EVI5: variants seen among roughly 807,000 people sequenced by gnomAD.
EVI5 encodes ecotropic viral integration site 5.
A neutral mutation model predicts 112.0 loss-of-function variants in EVI5; 73 were observed. That is an observed-to-expected ratio of 0.65 (90% CI 0.54 to 0.79). The LOEUF (loss-of-function observed/expected upper bound fraction) is 0.79. Among genes scored for constraint, EVI5 ranks in the 30% least tolerant of loss-of-function variants. EVI5 has a pLI of 0.00. For synonymous variants in EVI5, 305 were observed against 319.9 expected (o/e 0.95, Z 0.50); for missense variants, 900 against 968.8 (o/e 0.93, Z 0.94).
chr1:92,526,266 C>T (rs1409913789), intron 19 of EVI5, among the ~76,000 whole-genome samples: 1 of 152,132 alleles, frequency 6.6e-6, no homozygotes, highest in African/African-American at 2.4e-5. Flanking sequence ...GATATGTTGC[C>T]CAGGCTGGTC....
intron 16 of EVI5, among the ~76,000 whole-genome samples, chr1:92,611,572 G>A (rs1292701861): frequency 3.3e-5 from 5 of 151,466 alleles, no homozygotes; most frequent in Middle Eastern, 3.2e-3. Context: ...CGTGATGGCG[G>A]GCGCCTGTAC....
intron 19 of EVI5, among the ~76,000 whole-genome samples, chr1:92,516,284 C>T (rs1659859729): frequency 6.6e-6 from 1 of 152,138 alleles, no homozygotes; most frequent in African/African-American, 2.4e-5. Flanking sequence ...CACAACTTCC[C>T]AACTGTTTGG....
chr1:92,573,689 T>C (rs1670630934), intron 18 of EVI5, among the ~76,000 whole-genome samples: 1 of 152,156 alleles, frequency 6.6e-6, no homozygotes, highest in Non-Finnish European at 1.5e-5. Flanking sequence ...ATTTCCATGT[T>C]AGTTTTCAGC....
chr1:92,662,689 A>T, intron 13 of EVI5, 30 bp downstream of exon 13: 1 of 1,148,020 alleles, frequency 8.7e-7, no homozygotes, highest in Non-Finnish European at 1.1e-6. Context: ...GGGATGAGAA[A>T]GATGAGAAAA....
chr1:92,655,725 C>T (rs959620362), intron 13 of EVI5, among the ~76,000 whole-genome samples: 1 of 151,866 alleles, frequency 6.6e-6, no homozygotes, highest in African/African-American at 2.4e-5. Context: ...TGAAAAAAGA[C>T]AAGGAAGGTC....
intron 10 of EVI5, among the ~76,000 whole-genome samples, chr1:92,675,110 A>G (rs1003121511): frequency 1.9e-4 from 29 of 152,232 alleles, no homozygotes; most frequent in African/African-American, 6.8e-4. Flanking sequence ...TGGAAGGCCA[A>G]TGCAGGTGGA....
In EVI5 at chr1:92,670,666, C is replaced by T. The variant is rs573816607; in HGVS notation, c.1159-4674G>A. ...ATATGGTTCTTAGCAATAATAATGTCCTTCTTCTATCCCCCTAGGTCACTA... is the reference window on the plus strand; with the variant it reads ...ATATGGTTCTTAGCAATAATAATGTTCTTCTTCTATCCCCCTAGGTCACTA... On this transcript the variant is annotated intron_variant, in intron 10 of 19. Coordinates refer to ENST00000684568, the MANE Select transcript of EVI5 (RefSeq NM_001350197.2). Among the ~76,000 whole-genome samples the T allele has an allele frequency of 2.1e-3, 325 of 152,176 alleles. 1 individual carries two copies. The highest frequency in any genetic ancestry group is 7.6e-3 in the African/African-American group (316 of 41,520).
chr1:92,551,785 T>TA (rs1372677078), intron 19 of EVI5, among the ~76,000 whole-genome samples: 3 of 152,190 alleles, frequency 2.0e-5, no homozygotes, highest in Non-Finnish European at 4.4e-5. Context: ...AGAATTGCTG[T>TA]AAAAAACTAT....
chr1:92,602,691 G>T (rs919118480), intron 18 of EVI5, among the ~76,000 whole-genome samples: 5 of 152,114 alleles, frequency 3.3e-5, no homozygotes, highest in Non-Finnish European at 5.9e-5. Context: ...ACAGGCATGA[G>T]TTACTGTGCC....
At chr1:92,716,940 G>C (rs1374899379) in intron 2 of EVI5, among the ~76,000 whole-genome samples, 2 of 151,930 alleles carry the variant, frequency 1.3e-5, no homozygotes, top group East Asian at 3.9e-4. Context: ...ACTTTGAGGA[G>C]ATGACAGAAA....
chr1:92,596,112 T>C (rs1051320683), intron 18 of EVI5, among the ~76,000 whole-genome samples: 1 of 152,150 alleles, frequency 6.6e-6, no homozygotes, highest in African/African-American at 2.4e-5. Context: ...ATCCCAGCAC[T>C]GTGGGAGGTC....
At chr1:92,578,238 C>G (rs1356284522) in intron 18 of EVI5, among the ~76,000 whole-genome samples, 1 of 152,178 alleles carries the variant, frequency 6.6e-6, no homozygotes, top group Non-Finnish European at 1.5e-5. Flanking sequence ...CTATTATGGT[C>G]TAGAACTATT....
chr1:92,565,516 G>C (rs1039471597), intron 18 of EVI5, among the ~76,000 whole-genome samples: 2 of 152,110 alleles, frequency 1.3e-5, no homozygotes, highest in Non-Finnish European at 2.9e-5. Flanking sequence ...GCTGTGAAAA[G>C]CATTTGTCAA....
At chr1:92,674,604 G>A (rs530734582) in intron 10 of EVI5, among the ~76,000 whole-genome samples, 1 of 151,850 alleles carries the variant, frequency 6.6e-6, no homozygotes, top group East Asian at 1.9e-4. Context: ...GTTAATGGGT[G>A]CAGCAAACCA....
At chr1:92,520,103 T>A (rs900717747) in intron 19 of EVI5, among the ~76,000 whole-genome samples, 2 of 152,120 alleles carry the variant, frequency 1.3e-5, no homozygotes, top group African/African-American at 2.4e-5. Flanking sequence ...TTCTAAAAGT[T>A]GTGCATATAG....
chr1:92,694,991 A>C (rs781480872), intron 7 of EVI5, among the ~76,000 whole-genome samples: 8 of 151,444 alleles, frequency 5.3e-5, no homozygotes, highest in Non-Finnish European at 1.2e-4. Flanking sequence ...AGGAGGTGAT[A>C]AAGAGGTATG....
chr1:92,760,848 A>G (rs1443392569), intron 1 of EVI5, among the ~76,000 whole-genome samples: 1 of 152,030 alleles, frequency 6.6e-6, no homozygotes, highest in Non-Finnish European at 1.5e-5. Flanking sequence ...CGAAGTCAGG[A>G]GATCGAGACC....
chr1:92,543,117 C>T (rs1365592495), intron 19 of EVI5, among the ~76,000 whole-genome samples: 2 of 152,206 alleles, frequency 1.3e-5, no homozygotes, highest in African/African-American at 2.4e-5. Flanking sequence ...ACTTCTCTGT[C>T]GCTAGGAAAG....
chr1:92,671,226 T>C (rs192041186), intron 10 of EVI5, among the ~76,000 whole-genome samples: 1 of 152,154 alleles, frequency 6.6e-6, no homozygotes, highest in Non-Finnish European at 1.5e-5. Context: ...TGCTGGAAAA[T>C]GCAATGGTCA....
Sources: gnomAD v4.1 joint callset for allele counts (sites outside exome capture counted in the v4.1 genomes callset) on GRCh38, gnomAD v4.1.1 for gene constraint, MANE v1.5 for transcripts, NCBI Gene and HGNC (gene_info 2026-07-23, HGNC 2026-07-21) for gene names.